The following CDK5RAP2 variants were observed in gnomAD, a reference collection of about 807,000 sequenced individuals.
The protein encoded by CDK5RAP2 is CDK5 regulatory subunit associated protein 2.
In CDK5RAP2, 147 loss-of-function variants were observed where a neutral mutation model predicts 232.9. The observed-to-expected ratio is 0.63, with a 90% confidence interval of 0.55 to 0.72. The LOEUF (loss-of-function observed/expected upper bound fraction) is 0.72. Ranked by LOEUF, CDK5RAP2 falls within the 30% of genes least tolerant of loss-of-function variation. The pLI, the probability that CDK5RAP2 is intolerant of heterozygous loss-of-function variation, is 0.00. For missense variants in CDK5RAP2, 2,195 were observed against 2,231.5 expected (o/e 0.98, Z 0.33); for synonymous variants, 833 against 833.7 (o/e 1.00, Z 0.01).
chr9:120,439,770 A>G lies in CDK5RAP2; in HGVS notation c.3351T>C (p.His1117=). ...NETEYLKQKI[H]DLETELEGYQ... is the part of the protein sequence containing the mutation. ...AGCCTTCCAGCTCAGTTTCCAAGTC[A>G]TGGATTTTCTGTTTTAAGTATTCTG... Residue 1117 remains histidine (H), a synonymous_variant, in exon 24 of 38, where the codon CAT becomes CAC. Coordinates refer to ENST00000349780, the MANE Select transcript of CDK5RAP2 (RefSeq NM_018249.6). 6.2e-7 allele frequency: 1 copy of G among 1,614,136 alleles called. No individual in the cohort carries two copies. Among genetic ancestry groups the G allele is most frequent in the Non-Finnish European group, 8.5e-7 (1 of 1,180,014 alleles).
chr9:120,419,749 T>A, intron 27 of CDK5RAP2, 39 bp downstream of exon 27: 2 of 1,478,858 alleles, frequency 1.4e-6, no homozygotes, highest in Non-Finnish European at 1.9e-6. Context: ...ATTGTTTTAA[T>A]CAGGCCATGT....
At chr9:120,407,831 A>G in intron 31 of CDK5RAP2, 1 of 214,526 alleles carries the variant, frequency 4.7e-6, no homozygotes, top group Non-Finnish European at 9.5e-6. Context: ...GAGGCCAACA[A>G]CCATCCCCAG....
chr9:120,551,867 G>C (rs2042053007), intron 3 of CDK5RAP2, among the ~76,000 whole-genome samples: 1 of 152,114 alleles, frequency 6.6e-6, no homozygotes, highest in Non-Finnish European at 1.5e-5. Context: ...ACTTAAGAGT[G>C]CTGTGTGCAA....
At chr9:120,421,836 A>G (rs2034584271) in intron 26 of CDK5RAP2, among the ~76,000 whole-genome samples, 1 of 152,264 alleles carries the variant, frequency 6.6e-6, no homozygotes, top group Admixed American at 6.5e-5. Flanking sequence ...CAGGAAGAGG[A>G]CATGCATTGG....
At chr9:120,515,597 A>G (rs2040298494) in intron 12 of CDK5RAP2, among the ~76,000 whole-genome samples, 1 of 152,180 alleles carries the variant, frequency 6.6e-6, no homozygotes, top group African/African-American at 2.4e-5. Context: ...GCACTCTAAC[A>G]TTGCTGGTGG....
chr9:120,532,806 A>G (rs760107090), intron 7 of CDK5RAP2, among the ~76,000 whole-genome samples: 10 of 152,130 alleles, frequency 6.6e-5, no homozygotes, highest in Non-Finnish European at 1.3e-4. Context: ...CCTATGGGAA[A>G]TCCCAGGAAG....
intron 23 of CDK5RAP2, 184 bp from the exon 24 acceptor site, chr9:120,440,156 T>A: frequency 1.6e-6 from 1 of 621,202 alleles, no homozygotes; most frequent in Middle Eastern, 3.4e-4. Flanking sequence ...CAAGCCTCCC[T>A]CAAAAAGCCC....
chr9:120,525,671 G>T (rs1277970929), intron 10 of CDK5RAP2, among the ~76,000 whole-genome samples: 3 of 151,996 alleles, frequency 2.0e-5, no homozygotes, highest in African/African-American at 7.3e-5. Flanking sequence ...AGGCTAGAGT[G>T]CAGTGGCTGA....
In CDK5RAP2 at chr9:120,403,299, A is replaced by T; in HGVS notation, c.5042-228T>A. On this transcript the variant is annotated intron_variant, in intron 33 of 37. Transcript: ENST00000349780. This position sits in a 1 kb window ranked among gnomAD's most constrained non-coding sequence, Gnocchi z 4.2. ...AGAGGCTCAAGTCAACTCAACCAACACTTATCAACCACCCACTCGGCAGAA... is the reference window on the plus strand; with the variant it reads ...AGAGGCTCAAGTCAACTCAACCAACTCTTATCAACCACCCACTCGGCAGAA... 1.8e-6 allele frequency: 1 copy of T among 550,560 alleles called. No individual in the cohort carries two copies. The highest frequency in any genetic ancestry group is 5.0e-4 in the Middle Eastern group (1 of 2,020). The allele number at this position is 550,560 out of a possible 1,614,324, so 34.1% of individuals were successfully genotyped here.
Position 120,403,244 on chromosome 9 carries a change from C to G in CDK5RAP2, c.5042-173G>C, listed in dbSNP as rs2033192587. On this transcript the variant is annotated intron_variant, in intron 33 of 37. Coordinates refer to ENST00000349780, the MANE Select transcript of CDK5RAP2 (RefSeq NM_018249.6). This position sits in a 1 kb window ranked among gnomAD's most constrained non-coding sequence, Gnocchi z 4.2. ...CGCTCCTGGACCTCTGTATATTACC[C>G]CACACTGGGCTTATGAGTCATCTTG... 1.6e-6 allele frequency: 1 copy of G among 619,480 alleles called. No individual in the cohort carries two copies. Among genetic ancestry groups the G allele is most frequent in the African/African-American group, 1.8e-5 (1 of 54,370 alleles). The allele number at this position is 619,480 out of a possible 1,614,324, so 38.4% of individuals were successfully genotyped here. A position where few individuals can be genotyped will look rare whatever the true frequency, so the allele number is the denominator to read the frequency against.
chr9:120,536,324 G>T, intron 7 of CDK5RAP2, 48 bp downstream of exon 7: 2 of 1,593,498 alleles, frequency 1.3e-6, no homozygotes, highest in Non-Finnish European at 1.7e-6. Flanking sequence ...CTTTCCCCAC[G>T]CTGCCAGATA....
In CDK5RAP2 at chr9:120,403,668, A is replaced by G. The variant is rs185881989; in HGVS notation, c.5041+368T>C. ...GGGACAAAGGGGGTCTAAAAGTCACAGTGAGAGGAAAGTGTGGGCCTGTCT... is the reference window on the plus strand; with the variant it reads ...GGGACAAAGGGGGTCTAAAAGTCACGGTGAGAGGAAAGTGTGGGCCTGTCT... On this transcript the variant is annotated intron_variant, in intron 33 of 37. Transcript: ENST00000349780. The surrounding 1 kb of genome is among the most constrained non-coding windows in gnomAD (Gnocchi z 4.2). The G allele has an allele frequency of 1.1e-4, 37 of 351,160 alleles. No homozygotes were observed. The highest frequency in any genetic ancestry group is 9.3e-4 in the South Asian group (34 of 36,670). The allele number at this position is 351,160 out of a possible 1,614,324, so 21.8% of individuals were successfully genotyped here.
chr9:120,465,335 A>G (rs1420495477), intron 18 of CDK5RAP2, among the ~76,000 whole-genome samples: 1 of 152,180 alleles, frequency 6.6e-6, no homozygotes, highest in African/African-American at 2.4e-5. Context: ...ATAATGCATG[A>G]AAAACCAGCA....
chr9:120,515,797 T>C (rs1415532274), intron 12 of CDK5RAP2, among the ~76,000 whole-genome samples: 1 of 152,048 alleles, frequency 6.6e-6, no homozygotes, highest in Non-Finnish European at 1.5e-5. Context: ...ATCAGATAAA[T>C]GCAAATCAAA....
In CDK5RAP2 at chr9:120,439,985, T is replaced by C. The variant is rs753704828; in HGVS notation, c.3149-13A>G. 6.8e-6 allele frequency: 11 copies of C among 1,608,026 alleles called. No homozygotes were observed. The East Asian group carries it at 2.2e-4, about 33-fold the overall frequency. ...CAAATCTCAGAGTCTGAAAATCAAA[T>C]ACACTTATGTCAGTATCTCTTTTAC... On this transcript the variant is annotated splice_polypyrimidine_tract_variant and intron_variant, in intron 23 of 37. Transcript: ENST00000349780.
chr9:120,390,021 C>T lies in CDK5RAP2; in HGVS notation c.5579-234G>A, dbSNP rs891434337. The T allele has an allele frequency of 7.2e-6, 4 of 553,284 alleles. No individual in the cohort carries two copies. The East Asian group carries it at 1.3e-4, about 18-fold the overall frequency. 34.3% of individuals were successfully genotyped at this position (553,284 alleles called of 1,614,324 possible). ...TCTTTGAGGCCCCGCTAAGCCACCA[C>T]CTGACAGTGATGCAGAGGCTACAGC... On this transcript the variant is annotated intron_variant, in intron 36 of 37. Transcript: ENST00000349780.
At chr9:120,508,090 A>G (rs2039917412) in intron 12 of CDK5RAP2, among the ~76,000 whole-genome samples, 1 of 151,766 alleles carries the variant, frequency 6.6e-6, no homozygotes, top group African/African-American at 2.4e-5. Context: ...CCAGATGGAG[A>G]ATGAGAAGGT....
Position 120,527,893 on chromosome 9 carries a change from T to C in CDK5RAP2, c.912A>G (p.Arg304=). 6.2e-7 allele frequency: 1 copy of C among 1,613,956 alleles called. No homozygotes were observed. The part of the protein sequence containing the change: ...ALEEDLREKE[R]EIATEKKNSL... ...TATTTTTCTTCTCTGTAGCAATTTC[T>C]CTTTCCTTCTCTCTCAGGTCCTCTT... The change falls in exon 10 of 38, where the codon AGA becomes AGG. Residue 304 remains arginine (R), a synonymous_variant. Coordinates refer to ENST00000349780, the MANE Select transcript of CDK5RAP2 (RefSeq NM_018249.6).
chr9:120,425,006 T>C (rs2034805417), intron 25 of CDK5RAP2, among the ~76,000 whole-genome samples: 1 of 152,154 alleles, frequency 6.6e-6, no homozygotes, highest in Non-Finnish European at 1.5e-5. Context: ...CACATTCACA[T>C]TGTTCTTTAG....
Sources: allele counts gnomAD v4.1 joint callset (sites outside exome capture counted in the v4.1 genomes callset), GRCh38; gene constraint gnomAD v4.1.1; non-coding constraint Gnocchi (gnomAD v3.1); transcripts MANE v1.5; gene names NCBI Gene and HGNC (gene_info 2026-07-23, HGNC 2026-07-21).